ROBO2: variants seen among roughly 807,000 people sequenced by gnomAD.
The protein encoded by ROBO2 is roundabout homolog 2.
Under a neutral mutation model 160.8 loss-of-function variants are expected in ROBO2, and 53 were observed. The observed-to-expected ratio is 0.33, with a 90% confidence interval of 0.26 to 0.41. The LOEUF (loss-of-function observed/expected upper bound fraction) is 0.41, where lower values mean the gene tolerates loss of function less well. Ranked by LOEUF, ROBO2 falls within the 10% of genes least tolerant of loss-of-function variation. The probability of loss-of-function intolerance (pLI) is 1.00; values close to 1 mark genes in which losing one functional copy is unlikely to be tolerated. For synonymous variants in ROBO2, 664 were observed against 611.7 expected, an observed-to-expected ratio of 1.09 and a Z score of -1.26; for missense variants, 1,577 against 1,722.4, an observed-to-expected ratio of 0.92 and a Z score of 1.49.
intron 2 of ROBO2, among the ~76,000 whole-genome samples, chr3:76,412,923 T>TCCGCACTGCCCTAGCAGAGGTTC (rs2075569866): frequency 6.6e-6 from 1 of 152,198 alleles, no homozygotes; most frequent in Non-Finnish European, 1.5e-5. Context: ...ACATTTCCCT[T>TCCGCACTGCCCTAGCAGAGGTTC]CCGCACTGCC....
chr3:76,149,967 A>C (rs71315339), intron 2 of ROBO2, among the ~76,000 whole-genome samples: 17 of 42,574 alleles, frequency 4.0e-4, no homozygotes, highest in East Asian at 8.8e-4. Flanking sequence ...CACACATCAT[A>C]TGTCTAAAGC....
At chr3:76,057,446 A>C (rs1163443140) in intron 2 of ROBO2, among the ~76,000 whole-genome samples, 1 of 152,212 alleles carries the variant, frequency 6.6e-6, no homozygotes, top group Non-Finnish European at 1.5e-5. Flanking sequence ...AAATGCTAGA[A>C]TATTTCTATA....
intron 2 of ROBO2, among the ~76,000 whole-genome samples, chr3:76,879,167 C>T (rs1455078979): frequency 6.6e-6 from 1 of 151,932 alleles, no homozygotes; most frequent in Admixed American, 6.6e-5. Context: ...GTTTTCATGT[C>T]GTATTTAATT....
At chr3:76,714,858 G>C (rs902844901) in intron 2 of ROBO2, among the ~76,000 whole-genome samples, 2 of 152,130 alleles carry the variant, frequency 1.3e-5, no homozygotes, top group Non-Finnish European at 2.9e-5. Context: ...TCTATTAACT[G>C]TTCAAGACAG....
chr3:76,810,821 G>T (rs766224280), intron 2 of ROBO2, among the ~76,000 whole-genome samples: 1 of 152,106 alleles, frequency 6.6e-6, no homozygotes, highest in Non-Finnish European at 1.5e-5. Flanking sequence ...ACTGGCATTT[G>T]AAATTAAGAA....
intron 2 of ROBO2, among the ~76,000 whole-genome samples, chr3:76,438,595 A>T (rs2076787909): frequency 6.6e-6 from 1 of 152,092 alleles, no homozygotes; most frequent in African/African-American, 2.4e-5. Context: ...ACAACTCACG[A>T]GTAAAAATTA....
At chr3:76,886,397 T>C (rs1426803230) in intron 2 of ROBO2, among the ~76,000 whole-genome samples, 1 of 145,746 alleles carries the variant, frequency 6.9e-6, no homozygotes, top group Non-Finnish European at 1.5e-5. Flanking sequence ...CCTTTTAACT[T>C]AAAAAAAAAA....
chr3:76,609,217 A>G (rs961768444), intron 2 of ROBO2, among the ~76,000 whole-genome samples: 26 of 152,078 alleles, frequency 1.7e-4, no homozygotes, highest in Admixed American at 1.6e-3. Flanking sequence ...TCATTTGTCT[A>G]TATGTCTGTT....
intron 22 of ROBO2, among the ~76,000 whole-genome samples, chr3:77,620,599 T>C (rs915725709): frequency 1.3e-5 from 2 of 152,208 alleles, no homozygotes; most frequent in Admixed American, 1.3e-4. Flanking sequence ...ACTTGGGGCC[T>C]GAACTTTCTA....
At chr3:77,475,769 C>A (rs994772974) in intron 2 of ROBO2, among the ~76,000 whole-genome samples, 8 of 152,322 alleles carry the variant, frequency 5.3e-5, no homozygotes, top group Middle Eastern at 3.4e-3. Flanking sequence ...GAGGGAACCA[C>A]GGTGTTAACC....
chr3:77,485,613 T>A (rs1302762688), intron 4 of ROBO2, among the ~76,000 whole-genome samples: 1 of 152,110 alleles, frequency 6.6e-6, no homozygotes, highest in Non-Finnish European at 1.5e-5. Context: ...TTTTTTTAAA[T>A]TTTTCTTTGT....
At chr3:76,759,054 A>G (rs2061149346) in intron 2 of ROBO2, among the ~76,000 whole-genome samples, 1 of 151,858 alleles carries the variant, frequency 6.6e-6, no homozygotes, top group Non-Finnish European at 1.5e-5. Flanking sequence ...TTATTGACTA[A>G]ACATATTGCA....
intron 2 of ROBO2, among the ~76,000 whole-genome samples, chr3:76,026,491 T>G (rs1263296926): frequency 6.6e-6 from 1 of 151,910 alleles, no homozygotes; most frequent in African/African-American, 2.4e-5. Context: ...TGTCCTTCAA[T>G]AAGAGCAGCT....
chr3:76,623,212 G>A (rs2089355914), intron 2 of ROBO2, among the ~76,000 whole-genome samples: 1 of 152,142 alleles, frequency 6.6e-6, no homozygotes, highest in South Asian at 2.1e-4. Flanking sequence ...GGGGTGTACT[G>A]AGGGACACAA....
chr3:76,513,723 G>A (rs796482817), intron 2 of ROBO2, among the ~76,000 whole-genome samples: 6 of 152,262 alleles, frequency 3.9e-5, no homozygotes, highest in African/African-American at 1.4e-4. Flanking sequence ...AAACAATAGA[G>A]AGATGAGTAT....
chr3:76,787,559 C>A (rs951084238), intron 2 of ROBO2, among the ~76,000 whole-genome samples: 1 of 151,222 alleles, frequency 6.6e-6, no homozygotes, highest in South Asian at 2.1e-4. Flanking sequence ...TGACTTTCTG[C>A]AATATAATTG....
At chr3:77,354,456 A>G (rs2068782199) in intron 2 of ROBO2, among the ~76,000 whole-genome samples, 1 of 152,040 alleles carries the variant, frequency 6.6e-6, no homozygotes, top group African/African-American at 2.4e-5. Flanking sequence ...ATTTGCATCT[A>G]AAGTCTGGAA....
rs1024036063 is a variant in ROBO2, at chr3:77,252,702, G to A, written c.388+154362G>A. Among the ~76,000 whole-genome samples, 72 of 148,208 alleles carry A rather than the reference G, an allele frequency of 4.9e-4. 1 individual carries two copies. The highest frequency in any genetic ancestry group is 6.0e-5 in the Non-Finnish European group (4 of 67,072). On this transcript the variant is annotated intron_variant, in intron 2 of 25. Coordinates refer to ENST00000461745, the Ensembl canonical transcript of ROBO2. ...GGGCGCCTGTAGTCCCAGCTACTCCGGAGGCTGAGGCAGGAGAATGGCGTG... is the reference window on the plus strand; with the variant it reads ...GGGCGCCTGTAGTCCCAGCTACTCCAGAGGCTGAGGCAGGAGAATGGCGTG...
At chr3:77,301,875 A>C (rs1201652038) in intron 2 of ROBO2, among the ~76,000 whole-genome samples, 1 of 149,952 alleles carries the variant, frequency 6.7e-6, no homozygotes, top group Non-Finnish European at 1.5e-5. Context: ...CTGAGCTTCA[A>C]TTTCCTTTTT....
Sources: gnomAD v4.1 joint callset for allele counts (sites outside exome capture counted in the v4.1 genomes callset) on GRCh38, gnomAD v4.1.1 for gene constraint, MANE v1.5 for transcripts, NCBI Gene and HGNC (gene_info 2026-07-23, HGNC 2026-07-21) for gene names.